DNAH12: variants seen among roughly 807,000 people sequenced by gnomAD.
DNAH12 encodes the protein dynein axonemal heavy chain 12, also known as axonemal beta dynein heavy chain 12.
A neutral mutation model predicts 371.5 loss-of-function variants in DNAH12; 285 were observed. That is an observed-to-expected ratio of 0.77 (90% CI 0.70 to 0.85). The LOEUF (loss-of-function observed/expected upper bound fraction) is 0.85, where lower values mean the gene tolerates loss of function less well. Among genes scored for constraint, DNAH12 ranks in the 40% least tolerant of loss-of-function variants. The pLI is 0.00. For synonymous variants in DNAH12, 1,200 were observed against 1,213.0 expected (o/e 0.99, Z 0.22); for missense variants, 3,611 against 3,689.4 (o/e 0.98, Z 0.55).
chr3:57,354,499 TAA>T (rs1188173097), intron 59 of DNAH12, among the ~76,000 whole-genome samples: 1 of 110,380 alleles, frequency 9.1e-6, no homozygotes, highest in Non-Finnish European at 1.9e-5. Context: ...TGTAAAAGTT[TAA>T]AAAAAGAGTC....
At chr3:57,413,400 T>C (rs1206388235) in intron 39 of DNAH12, among the ~76,000 whole-genome samples, 1 of 152,146 alleles carries the variant, frequency 6.6e-6, no homozygotes, top group Non-Finnish European at 1.5e-5. Context: ...ACCCATAGCA[T>C]GTACAACACA....
rs1193236624 is a variant in DNAH12, at chr3:57,296,954, A to T, written c.11425T>A (p.Phe3809Ile). The change falls in exon 71 of 74, where the codon TTT becomes ATT. Residue 3809 changes from phenylalanine to isoleucine, a missense_variant. Physicochemically the swap from Phe to Ile is conservative, Grantham distance 21. Coordinates refer to ENST00000495027, the MANE Select transcript of DNAH12 (RefSeq NM_001366028.2). ...GTGAAAAAGAAACCTGACAGCCAAA[A>T]CACACAAGGTTTTCCTGAATTATAC... ...DWYNSGKPCV[F>I]WLSGFFFTQA... is the part of the protein sequence containing the mutation. 1 of 1,551,702 alleles carries T rather than the reference A, an allele frequency of 6.4e-7. No individual in the cohort carries two copies. The highest frequency in any genetic ancestry group is 2.4e-5 in the East Asian group (1 of 40,914).
At chr3:57,409,482 G>C (rs1316542186) in intron 39 of DNAH12, among the ~76,000 whole-genome samples, 2 of 151,808 alleles carry the variant, frequency 1.3e-5, no homozygotes, top group Non-Finnish European at 2.9e-5. Flanking sequence ...AAATATATAA[G>C]TGTAAAATAA....
chr3:57,492,460 C>CAAATAAAT (rs747074438), intron 11 of DNAH12, among the ~76,000 whole-genome samples: 5 of 151,182 alleles, frequency 3.3e-5, no homozygotes, highest in East Asian at 2.0e-4. Flanking sequence ...AACTCCAACT[C>CAAATAAAT]AAATAAATAA....
At chr3:57,335,049 C>A (rs2062190779) in intron 60 of DNAH12, 109 bp from the exon 61 acceptor site, 11 of 1,168,702 alleles carry the variant, frequency 9.4e-6, no homozygotes, top group Non-Finnish European at 1.3e-5. Context: ...TACTTACCCA[C>A]CTGCTGTAAA....
At chr3:57,509,824 T>TGCACTCTA (rs1373840836) in intron 5 of DNAH12, among the ~76,000 whole-genome samples, 2 of 131,082 alleles carry the variant, frequency 1.5e-5, no homozygotes, top group Non-Finnish European at 3.1e-5. Context: ...ATTGCACCAC[T>TGCACTCTA]GCACTCTATT....
chr3:57,498,413 C>A (rs1037264508), intron 11 of DNAH12: 1 of 696,648 alleles, frequency 1.4e-6, no homozygotes. Context: ...AACTCCTAGG[C>A]TCCAGTAATC....
chr3:57,475,792 T>C (rs991986691), intron 13 of DNAH12, among the ~76,000 whole-genome samples: 2 of 152,184 alleles, frequency 1.3e-5, no homozygotes, highest in African/African-American at 4.8e-5. Flanking sequence ...CAATTGCAAG[T>C]AAGAATGTTA....
chr3:57,431,454 T>TAA (rs2064953928), intron 32 of DNAH12, among the ~76,000 whole-genome samples: 1 of 152,206 alleles, frequency 6.6e-6, no homozygotes, highest in African/African-American at 2.4e-5. Flanking sequence ...TCTGAAATAT[T>TAA]AAATTCATGT....
intron 12 of DNAH12, among the ~76,000 whole-genome samples, chr3:57,485,061 G>C (rs973007199): frequency 6.6e-6 from 1 of 152,132 alleles, no homozygotes; most frequent in Non-Finnish European, 1.5e-5. Flanking sequence ...GTGGTGAAAA[G>C]GGAACACTTA....
intron 55 of DNAH12, among the ~76,000 whole-genome samples, chr3:57,373,614 G>A (rs1473978935): frequency 2.6e-5 from 4 of 151,800 alleles, no homozygotes; most frequent in Admixed American, 2.0e-4. Flanking sequence ...GTGAGCCACC[G>A]TGCCCAGCCC....
chr3:57,443,005 A>G (rs549663967), intron 29 of DNAH12, among the ~76,000 whole-genome samples: 9 of 152,354 alleles, frequency 5.9e-5, no homozygotes, highest in South Asian at 2.1e-4. Context: ...TACATTTCAC[A>G]ATAGAAATTC....
At chr3:57,359,002 T>TC (rs1173603040) in intron 58 of DNAH12, among the ~76,000 whole-genome samples, 3 of 151,986 alleles carry the variant, frequency 2.0e-5, no homozygotes, top group African/African-American at 7.2e-5. Context: ...CAGGCTAGTC[T>TC]CGAACGCTTG....
At chr3:57,545,287 G>A (rs547241054), upstream of DNAH12, among the ~76,000 whole-genome samples, 1 of 149,358 alleles carries the variant, frequency 6.7e-6, no homozygotes, top group East Asian at 2.0e-4. Flanking sequence ...GGGATTACAG[G>A]CATGCATCAC....
intron 62 of DNAH12, among the ~76,000 whole-genome samples, chr3:57,333,994 T>C (rs1366627761): frequency 7.0e-6 from 1 of 142,156 alleles, no homozygotes; most frequent in Non-Finnish European, 1.5e-5. Flanking sequence ...AAAAGAGAAA[T>C]AGGATACACA....
chr3:57,422,676 G>C (rs2064629696), intron 35 of DNAH12, among the ~76,000 whole-genome samples: 1 of 152,234 alleles, frequency 6.6e-6, no homozygotes, highest in African/African-American at 2.4e-5. Context: ...TAAATAAAAT[G>C]TCCTTACCAA....
In DNAH12 at chr3:57,523,975, AAG is replaced by A. The variant is rs1248853905; in HGVS notation, c.171-93_171-92del. The A allele has an allele frequency of 1.9e-5, 16 of 850,124 alleles. No individual in the cohort carries two copies. In the African/African-American group the frequency reaches 2.4e-4, roughly 13 times the overall value. The allele number at this position is 850,124 out of a possible 1,614,324, so 52.7% of individuals were successfully genotyped here. On this transcript the variant is annotated intron_variant, in intron 2 of 73. Transcript: ENST00000495027. ...ATTTAAGCATTTTTCCAACTATACT[AAG>A]AGATATTCAAGAGTTATCTTACTGA...
At chr3:57,550,376 A>G in the DNAH12 span, among the ~76,000 whole-genome samples, 1 of 152,214 alleles carries the variant, frequency 6.6e-6, no homozygotes, top group Non-Finnish European at 1.5e-5. Context: ...AAAACCTTAT[A>G]AACAAATAGA....
At chr3:57,454,632 G>T (rs1011487859) in intron 23 of DNAH12, 143 bp downstream of exon 23, 1 of 1,099,980 alleles carries the variant, frequency 9.1e-7, no homozygotes, top group Non-Finnish European at 1.3e-6. Context: ...TACTTTGGGA[G>T]GTTGAAGTGG....
Sources: gnomAD v4.1 joint callset for allele counts (sites outside exome capture counted in the v4.1 genomes callset) on GRCh38, gnomAD v4.1.1 for gene constraint, MANE v1.5 for transcripts, NCBI Gene and HGNC (gene_info 2026-07-23, HGNC 2026-07-21) for gene names.